The following FGD4 variants were observed in gnomAD, a reference collection of about 807,000 sequenced individuals.
The protein encoded by FGD4 is FYVE, RhoGEF and PH domain containing 4.
Under a neutral mutation model 102.0 loss-of-function variants are expected in FGD4, and 42 were observed. The observed-to-expected ratio is 0.41, with a 90% confidence interval of 0.32 to 0.53. The LOEUF (loss-of-function observed/expected upper bound fraction) is 0.53. Among genes scored for constraint, FGD4 ranks in the 20% least tolerant of loss-of-function variants. The pLI is 0.21. For missense variants in FGD4, 902 were observed against 1,078.2 expected, an observed-to-expected ratio of 0.84 and a Z score of 2.29; for synonymous variants, 380 against 375.7, an observed-to-expected ratio of 1.01 and a Z score of -0.13.
chr12:32,407,090 C>T (rs977937589), intron 1 of FGD4, among the ~76,000 whole-genome samples: 44 of 145,610 alleles, frequency 3.0e-4, no homozygotes, highest in South Asian at 1.3e-3. Context: ...GGATTACAGG[C>T]ATGAGCCACC....
chr12:32,563,171 G>A (rs1343501289), intron 1 of FGD4, among the ~76,000 whole-genome samples: 1 of 152,028 alleles, frequency 6.6e-6, no homozygotes, highest in Non-Finnish European at 1.5e-5. Context: ...GGATGGGGTG[G>A]CTGCCGGGCG....
chr12:32,635,940 A>C (rs1419877701), intron 15 of FGD4, among the ~76,000 whole-genome samples: 2 of 151,088 alleles, frequency 1.3e-5, no homozygotes, highest in Non-Finnish European at 3.0e-5. Context: ...TGAACCTGGG[A>C]GATGGAGGTT....
Position 32,624,654 on chromosome 12 carries a change from C to T in FGD4, c.1953+202C>T, listed in dbSNP as rs752046643. 8.0e-5 allele frequency: 54 copies of T among 679,044 alleles called. No individual in the cohort carries two copies. In the South Asian group the frequency reaches 8.0e-4, roughly 10 times the overall value. The allele number at this position is 679,044 out of a possible 1,614,324, so 42.1% of individuals were successfully genotyped here. ...TCTGGTTAATTTTTTTTTTGTATTT[C>T]GTAGAGACGAGGTTTTGCCATGCTG... On this transcript the variant is annotated intron_variant, in intron 12 of 16. Coordinates refer to ENST00000534526, the MANE Select transcript of FGD4 (RefSeq NM_001370298.3).
chr12:32,635,938 G>A (rs1299502921), intron 15 of FGD4, among the ~76,000 whole-genome samples: 1 of 151,758 alleles, frequency 6.6e-6, no homozygotes, highest in Non-Finnish European at 1.5e-5. Context: ...CTTGAACCTG[G>A]GAGATGGAGG....
chr12:32,539,066 G>T (rs1383925373), intron 1 of FGD4, among the ~76,000 whole-genome samples: 1 of 151,694 alleles, frequency 6.6e-6, no homozygotes, highest in East Asian at 1.9e-4. Flanking sequence ...TAAATAAAAA[G>T]ATAAAAATAA....
Position 32,575,267 on chromosome 12 carries a change from G to A in FGD4, c.320-999G>A, listed in dbSNP as rs141701622. 3.6e-3 allele frequency among the ~76,000 whole-genome samples: 547 copies of A among 152,268 alleles called. 2 individuals carry two copies. Among genetic ancestry groups the A allele is most frequent in the Middle Eastern group, 0.017 (5 of 294 alleles). On this transcript the variant is annotated intron_variant, in intron 2 of 16. Coordinates refer to ENST00000534526, the MANE Select transcript of FGD4 (RefSeq NM_001370298.3). ...GGCTTATTGGGCTCACAGTTCTGCA[G>A]GCTGTACAGGAAGCACAGTGCCACC...
chr12:32,476,995 A>G lies in FGD4; in HGVS notation c.166+77036A>G, dbSNP rs934147612. Among the ~76,000 whole-genome samples the G allele has an allele frequency of 2.6e-5, 4 of 152,302 alleles. No individual in the cohort carries two copies. The South Asian group carries it at 8.3e-4, about 32-fold the overall frequency. On this transcript the variant is annotated intron_variant, in intron 1 of 16. Transcript: ENST00000534526. Reference sequence around the variant, plus strand: ...GAAAAGTAATTGTTTACTACTTGAAAAATGAAGATCTGGCCAGGTGCGTGG... The same window carrying G: ...GAAAAGTAATTGTTTACTACTTGAAGAATGAAGATCTGGCCAGGTGCGTGG...
chr12:32,572,421 A>G (rs1945749622), intron 2 of FGD4, among the ~76,000 whole-genome samples: 1 of 152,218 alleles, frequency 6.6e-6, no homozygotes, highest in Non-Finnish European at 1.5e-5. Flanking sequence ...AAATCTGGAA[A>G]TGATTTTGCT....
chr12:32,471,146 A>C (rs1369531174), intron 1 of FGD4, among the ~76,000 whole-genome samples: 1 of 151,922 alleles, frequency 6.6e-6, no homozygotes, highest in Non-Finnish European at 1.5e-5. Context: ...CCCAACCCCC[A>C]CACCAAGCTC....
chr12:32,611,101 C>T lies in FGD4; in HGVS notation c.1603-36C>T. The T allele has an allele frequency of 2.5e-6, 4 of 1,613,624 alleles. 1 individual carries two copies. In the South Asian group the frequency reaches 4.4e-5, roughly 18 times the overall value. ...ATTATTAAAGCTACTAGGTTGAAACCTGCCTGTATGTGATCTTGCTGTTTT... is the reference window on the plus strand; with the variant it reads ...ATTATTAAAGCTACTAGGTTGAAACTTGCCTGTATGTGATCTTGCTGTTTT... On this transcript the variant is annotated intron_variant, in intron 9 of 16. Coordinates refer to ENST00000534526, the MANE Select transcript of FGD4 (RefSeq NM_001370298.3).
intron 1 of FGD4, among the ~76,000 whole-genome samples, chr12:32,508,327 G>C (rs1477111096): frequency 4.6e-5 from 7 of 152,184 alleles, no homozygotes. Context: ...TTTGGGAATA[G>C]ATCTTCAGTT....
At chr12:32,630,365 T>C (rs1950426539) in intron 14 of FGD4, among the ~76,000 whole-genome samples, 1 of 152,206 alleles carries the variant, frequency 6.6e-6, no homozygotes, top group Non-Finnish European at 1.5e-5. Context: ...TTACATAGTC[T>C]TTCTATATCT....
At chr12:32,525,213 C>A (rs1941016433) in intron 1 of FGD4, among the ~76,000 whole-genome samples, 1 of 152,140 alleles carries the variant, frequency 6.6e-6, no homozygotes, top group Admixed American at 6.5e-5. Context: ...AGAGTCCTGG[C>A]TTGGGCAGGT....
At chr12:32,497,669 T>C (rs1937906670) in intron 1 of FGD4, among the ~76,000 whole-genome samples, 1 of 152,128 alleles carries the variant, frequency 6.6e-6, no homozygotes, top group African/African-American at 2.4e-5. Flanking sequence ...AAAGAGAACA[T>C]GGAAATACAA....
chr12:32,480,455 C>T (rs903474764), intron 1 of FGD4, among the ~76,000 whole-genome samples: 2 of 151,902 alleles, frequency 1.3e-5, no homozygotes, highest in Admixed American at 1.3e-4. Context: ...AGCCACAACG[C>T]CCAACCTGTT....
chr12:32,458,431 C>T (rs1218743899), intron 1 of FGD4, among the ~76,000 whole-genome samples: 2 of 151,982 alleles, frequency 1.3e-5, no homozygotes, highest in Non-Finnish European at 2.9e-5. Context: ...GCCTTGGCCT[C>T]CCAAAGTGCT....
At chr12:32,570,965 T>C (rs1945613647) in intron 2 of FGD4, among the ~76,000 whole-genome samples, 1 of 152,196 alleles carries the variant, frequency 6.6e-6, no homozygotes, top group South Asian at 2.1e-4. Context: ...TATATGGTTA[T>C]CTTAAAAATA....
rs1048552347 is a variant in FGD4 at position 32,645,032 on chromosome 12, G to A, written c.*4499G>A. On this transcript the variant is annotated 3_prime_UTR_variant, in exon 17 of 17. Coordinates refer to ENST00000534526, the MANE Select transcript of FGD4 (RefSeq NM_001370298.3). Reference sequence around the variant, plus strand: ...AGTTTTAACTTGTTGGGGTCACCGGGAGTTATATGATGGTCAACCCCTTTT... The same window carrying A: ...AGTTTTAACTTGTTGGGGTCACCGGAAGTTATATGATGGTCAACCCCTTTT... The A allele has an allele frequency of 1.3e-5, 2 of 152,214 alleles. No homozygotes were observed. The highest frequency in any genetic ancestry group is 2.9e-5 in the Non-Finnish European group (2 of 68,026). 9.4% of individuals were successfully genotyped at this position (152,214 alleles called of 1,614,324 possible).
chr12:32,475,497 G>C (rs1182132284), intron 1 of FGD4, among the ~76,000 whole-genome samples: 1 of 152,154 alleles, frequency 6.6e-6, no homozygotes, highest in African/African-American at 2.4e-5. Context: ...ACCCACTTAA[G>C]ATTCTTTAAA....
Sources: gnomAD v4.1 joint callset for allele counts (sites outside exome capture counted in the v4.1 genomes callset) on GRCh38, gnomAD v4.1.1 for gene constraint, MANE v1.5 for transcripts, NCBI Gene and HGNC (gene_info 2026-07-23, HGNC 2026-07-21) for gene names.